Variants in PEX5L observed in about 807,000 individuals in gnomAD.
The protein encoded by PEX5L is peroxisomal biogenesis factor 5 like, also known as PEX5-related protein.
Under a neutral mutation model 84.0 loss-of-function variants are expected in PEX5L, and 30 were observed. That is an observed-to-expected ratio of 0.36 (90% CI 0.27 to 0.48). PEX5L has a LOEUF of 0.48. Among genes scored for constraint, PEX5L ranks in the 20% least tolerant of loss-of-function variants. The pLI is 0.99. For synonymous variants in PEX5L, 270 were observed against 283.1 expected (o/e 0.95, Z 0.46); for missense variants, 533 against 754.6 (o/e 0.71, Z 3.44).
chr3:179,807,790 G>A lies in PEX5L; in HGVS notation c.1560C>T (p.Asn520=), dbSNP rs375468106. The A allele has an allele frequency of 9.3e-5, 150 of 1,613,870 alleles. No individual in the cohort carries two copies. The highest frequency in any genetic ancestry group is 1.2e-4 in the Non-Finnish European group (145 of 1,180,016). The change falls in exon 14 of 15, where the codon AAC becomes AAT. Residue 520 remains asparagine, a synonymous_variant. Transcript: ENST00000467460. ...LWNRLGATLA[N]GDRSEEAVEA... ...CCACGGCTTCCTCGCTGCGGTCTCC[G>A]TTCGCCAAGGTCGCCCCGAGGCGGT...
At chr3:179,871,578 C>T (rs546358156) in intron 7 of PEX5L, among the ~76,000 whole-genome samples, 1 of 152,214 alleles carries the variant, frequency 6.6e-6, no homozygotes, top group South Asian at 2.1e-4. Flanking sequence ...CATAGTGAAC[C>T]ATAACCTAAA....
intron 14 of PEX5L, among the ~76,000 whole-genome samples, chr3:179,803,145 AGACT>A (rs1367882597): frequency 1.3e-5 from 2 of 152,262 alleles, no homozygotes; most frequent in Non-Finnish European, 2.9e-5. Flanking sequence ...ATATCGCAAC[AGACT>A]GACTGCAGAA....
chr3:179,849,789 G>A (rs762107688), intron 8 of PEX5L, among the ~76,000 whole-genome samples: 16 of 152,072 alleles, frequency 1.1e-4, no homozygotes, highest in Non-Finnish European at 1.8e-4. Flanking sequence ...TTATTTGCTC[G>A]GTTAGTATGG....
At chr3:180,004,677 C>T (rs186349908) in intron 1 of PEX5L, among the ~76,000 whole-genome samples, 143 of 152,124 alleles carry the variant, frequency 9.4e-4, no homozygotes, top group African/African-American at 3.3e-3. Flanking sequence ...AAATGACATC[C>T]CTGGGCTCCA....
intron 2 of PEX5L, among the ~76,000 whole-genome samples, chr3:179,905,529 G>GA (rs1315187067): frequency 1.3e-5 from 2 of 152,128 alleles, no homozygotes; most frequent in African/African-American, 4.8e-5. Flanking sequence ...AAAGTGCTGG[G>GA]ATTACAGGCG....
intron 14 of PEX5L, among the ~76,000 whole-genome samples, chr3:179,805,144 GTCT>G (rs1333258647): frequency 3.5e-4 from 46 of 133,308 alleles, no homozygotes; most frequent in Non-Finnish European, 5.8e-4. Flanking sequence ...TCACTCGATG[GTCT>G]TTTTTTTTTT....
intron 1 of PEX5L, among the ~76,000 whole-genome samples, chr3:179,976,599 G>C (rs1238917013): frequency 6.6e-6 from 1 of 152,044 alleles, no homozygotes; most frequent in South Asian, 2.1e-4. Flanking sequence ...CACCACAGCT[G>C]GCTAATTTTT....
At chr3:179,928,649 C>T (rs1772165162) in intron 2 of PEX5L, among the ~76,000 whole-genome samples, 1 of 152,206 alleles carries the variant, frequency 6.6e-6, no homozygotes, top group South Asian at 2.1e-4. Flanking sequence ...GCAACCATCA[C>T]CTACCACCGG....
At chr3:179,814,478 T>A (rs759245376) in intron 10 of PEX5L, among the ~76,000 whole-genome samples, 1 of 152,336 alleles carries the variant, frequency 6.6e-6, no homozygotes. Context: ...GCAGTTGGGA[T>A]AGCACAGCCT....
chr3:179,875,882 T>A (rs1752222075), intron 5 of PEX5L, among the ~76,000 whole-genome samples: 1 of 152,142 alleles, frequency 6.6e-6, no homozygotes, highest in Non-Finnish European at 1.5e-5. Context: ...AAGTGGGGGC[T>A]TGGGGGCTTT....
chr3:179,983,885 G>T (rs1357531431), intron 1 of PEX5L, among the ~76,000 whole-genome samples: 2 of 151,960 alleles, frequency 1.3e-5, no homozygotes, highest in Non-Finnish European at 2.9e-5. Context: ...TTTTGATATT[G>T]TATAATGAAG....
At chr3:179,923,298 A>AAAAC (rs1553900501) in intron 2 of PEX5L, among the ~76,000 whole-genome samples, 2 of 144,002 alleles carry the variant, frequency 1.4e-5, no homozygotes, top group African/African-American at 5.1e-5. Context: ...CTCAAAAAAA[A>AAAAC]AAAAAAAAAA....
intron 7 of PEX5L, among the ~76,000 whole-genome samples, chr3:179,867,025 C>CAAAAAAAAAAAAAAA (rs61404630): frequency 1.1e-5 from 1 of 89,410 alleles, no homozygotes; most frequent in Non-Finnish European, 2.2e-5. Flanking sequence ...GACTCTGTCT[C>CAAAAAAAAAAAAAAA]AAAAAAAAAA....
intron 8 of PEX5L, among the ~76,000 whole-genome samples, chr3:179,831,646 G>C (rs1213990041): frequency 2.6e-5 from 4 of 152,138 alleles, no homozygotes; most frequent in African/African-American, 4.8e-5. Flanking sequence ...GGGAGGAAAG[G>C]TGCTCTGGGA....
At chr3:179,954,952 C>T (rs1241207276) in intron 2 of PEX5L, among the ~76,000 whole-genome samples, 2 of 151,770 alleles carry the variant, frequency 1.3e-5, no homozygotes, top group African/African-American at 2.4e-5. Context: ...AAAGTATGAC[C>T]CATTCAACTC....
intron 1 of PEX5L, among the ~76,000 whole-genome samples, chr3:180,006,542 C>T (rs1412947325): frequency 2.6e-5 from 4 of 152,126 alleles, no homozygotes; most frequent in Non-Finnish European, 4.4e-5. Context: ...ACAAACTCTC[C>T]AATCCCATCT....
chr3:179,866,547 A>C (rs1418204738), intron 7 of PEX5L, among the ~76,000 whole-genome samples: 1 of 152,198 alleles, frequency 6.6e-6, no homozygotes, highest in Admixed American at 6.5e-5. Context: ...CGTGCTTAAT[A>C]CAACTTTGCT....
chr3:179,958,512 G>A (rs6770184), intron 2 of PEX5L, among the ~76,000 whole-genome samples: 111,878 of 152,192 alleles, frequency 0.74, 41,403 homozygotes, highest in East Asian at 0.96. Flanking sequence ...ACTAAATGCT[G>A]TGTAAGTGTG....
At chr3:179,808,948 C>T in intron 12 of PEX5L, among the ~76,000 whole-genome samples, 1 of 151,638 alleles carries the variant, frequency 6.6e-6, no homozygotes, top group African/African-American at 2.4e-5. Context: ...TTGGCGGGCC[C>T]TTGTAGTCCC....
Sources: allele counts gnomAD v4.1 joint callset (sites outside exome capture counted in the v4.1 genomes callset), GRCh38; gene constraint gnomAD v4.1.1; transcripts MANE v1.5; gene names NCBI Gene and HGNC (gene_info 2026-07-23, HGNC 2026-07-21).